Variants in ABTB3 observed in about 807,000 individuals in gnomAD.
ABTB3 encodes the protein ankyrin repeat and BTB domain containing 3.
chr12:107,621,079 C>T, the ABTB3 span, among the ~76,000 whole-genome samples: 1 of 152,222 alleles, frequency 6.6e-6, no homozygotes, highest in Admixed American at 6.5e-5. Flanking sequence ...CTGCTTCCTC[C>T]ACACAGCAGG....
chr12:107,560,646 T>C, the ABTB3 span, among the ~76,000 whole-genome samples: 1 of 152,160 alleles, frequency 6.6e-6, no homozygotes, highest in Non-Finnish European at 1.5e-5. Context: ...TTGCCCCAAG[T>C]TATGCAGTGA....
At chr12:107,344,442 G>A in the ABTB3 span, among the ~76,000 whole-genome samples, 2 of 152,214 alleles carry the variant, frequency 1.3e-5, no homozygotes, top group African/African-American at 4.8e-5. Flanking sequence ...TTGTGTTTCA[G>A]GCAGAGTAAG....
At chr12:107,527,995 C>A in the ABTB3 span, among the ~76,000 whole-genome samples, 4 of 152,058 alleles carry the variant, frequency 2.6e-5, no homozygotes, top group Non-Finnish European at 5.9e-5. Flanking sequence ...ACCTCCTCTC[C>A]CAGGGTTGTG....
the ABTB3 span, among the ~76,000 whole-genome samples, chr12:107,496,777 G>A: frequency 6.6e-6 from 1 of 152,142 alleles, no homozygotes; most frequent in Admixed American, 6.5e-5. Flanking sequence ...AGGAAACTGA[G>A]GCACGGAGAG....
chr12:107,571,586 G>C, the ABTB3 span, among the ~76,000 whole-genome samples: 1 of 152,242 alleles, frequency 6.6e-6, no homozygotes, highest in Non-Finnish European at 1.5e-5. Flanking sequence ...AGCCTCTGCT[G>C]CTTCCTGGAT....
chr12:107,596,588 C>T, the ABTB3 span, among the ~76,000 whole-genome samples: 1 of 152,146 alleles, frequency 6.6e-6, no homozygotes, highest in Non-Finnish European at 1.5e-5. Flanking sequence ...ACACTCTAGC[C>T]TGGGCGACAG....
the ABTB3 span, chr12:107,610,363 G>C: frequency 5.0e-6 from 8 of 1,613,714 alleles, no homozygotes; most frequent in Admixed American, 1.2e-4. Flanking sequence ...CAGGTACAGG[G>C]TCCGAGGGTC....
At chr12:107,523,534 A>C in the ABTB3 span, among the ~76,000 whole-genome samples, 1 of 152,240 alleles carries the variant, frequency 6.6e-6, no homozygotes, top group African/African-American at 2.4e-5. Context: ...TAATATTTTT[A>C]ATCTCAATTG....
the ABTB3 span, among the ~76,000 whole-genome samples, chr12:107,620,565 G>A: frequency 1.3e-5 from 2 of 152,146 alleles, no homozygotes; most frequent in African/African-American, 2.4e-5. Flanking sequence ...ACCCTGAGGT[G>A]CTGTGACTAG....
At chr12:107,339,883 A>G in the ABTB3 span, among the ~76,000 whole-genome samples, 1 of 152,188 alleles carries the variant, frequency 6.6e-6, no homozygotes, top group South Asian at 2.1e-4. Context: ...CCCATGTCAC[A>G]CTCAAACACA....
the ABTB3 span, among the ~76,000 whole-genome samples, chr12:107,655,515 T>C: frequency 6.6e-6 from 1 of 152,192 alleles, no homozygotes; most frequent in Non-Finnish European, 1.5e-5. Context: ...ACTGGCAGAT[T>C]GTGCTGCAAA....
the ABTB3 span, among the ~76,000 whole-genome samples, chr12:107,621,317 G>T: frequency 6.6e-6 from 1 of 152,258 alleles, no homozygotes; most frequent in East Asian, 1.9e-4. Context: ...AGTCCGTGAG[G>T]AGTAAAACCT....
At chr12:107,332,918 A>G in the ABTB3 span, among the ~76,000 whole-genome samples, 1 of 152,258 alleles carries the variant, frequency 6.6e-6, no homozygotes, top group Non-Finnish European at 1.5e-5. Context: ...TATGTGGTAG[A>G]TGAGACAGCA....
the ABTB3 span, chr12:107,581,002 TCA>T: frequency 6.4e-7 from 1 of 1,552,178 alleles, no homozygotes. Flanking sequence ...ACTCTGGAAT[TCA>T]GAGGCAGGGT....
At chr12:107,468,866 C>T in the ABTB3 span, among the ~76,000 whole-genome samples, 5 of 152,278 alleles carry the variant, frequency 3.3e-5, no homozygotes, top group East Asian at 9.6e-4. Context: ...GTACAGCAGA[C>T]ACGAGCAGGG....
the ABTB3 span, among the ~76,000 whole-genome samples, chr12:107,391,189 AG>A: frequency 6.6e-6 from 1 of 152,202 alleles, no homozygotes; most frequent in African/African-American, 2.4e-5. Flanking sequence ...TTGAACCCTC[AG>A]GCAATCCAGT....
chr12:107,348,014 C>A, the ABTB3 span, among the ~76,000 whole-genome samples: 1 of 151,980 alleles, frequency 6.6e-6, no homozygotes, highest in East Asian at 1.9e-4. Flanking sequence ...AAAGAAAGAG[C>A]AACCAGGGGT....
the ABTB3 span, among the ~76,000 whole-genome samples, chr12:107,333,414 G>A: frequency 6.6e-6 from 1 of 152,136 alleles, no homozygotes; most frequent in Non-Finnish European, 1.5e-5. Context: ...CTTTGGAGAG[G>A]TTTCATCGTT....
At chr12:107,485,817 G>T in the ABTB3 span, among the ~76,000 whole-genome samples, 2 of 152,134 alleles carry the variant, frequency 1.3e-5, no homozygotes, top group African/African-American at 2.4e-5. Context: ...GTCATCTAAA[G>T]AAATGACTTC....
Sources: gnomAD v4.1 joint callset for allele counts (sites outside exome capture counted in the v4.1 genomes callset) on GRCh38, gnomAD v4.1.1 for gene constraint, MANE v1.5 for transcripts, NCBI Gene and HGNC (gene_info 2026-07-23, HGNC 2026-07-21) for gene names.